The following INSC variants were observed in gnomAD, a reference collection of about 807,000 sequenced individuals.
INSC encodes the protein protein inscuteable homolog.
In INSC, 67 loss-of-function variants were observed where a neutral mutation model predicts 58.6. That is an observed-to-expected ratio of 1.14 (90% CI 0.94 to 1.40). The LOEUF (loss-of-function observed/expected upper bound fraction) is 1.40, where lower values mean the gene tolerates loss of function less well. INSC is among the 40% of genes most tolerant of loss of function. INSC has a pLI of 0.00. For missense variants in INSC, 714 were observed against 692.0 expected (o/e 1.03, Z -0.36); for synonymous variants, 262 against 276.1 (o/e 0.95, Z 0.51).
intron 6 of INSC, among the ~76,000 whole-genome samples, chr11:15,196,966 C>A (rs1208690866): frequency 6.6e-6 from 1 of 152,166 alleles, no homozygotes; most frequent in African/African-American, 2.4e-5. Flanking sequence ...CCTCTTCCTC[C>A]CACCTTACTT....
At chr11:15,155,666 T>C (rs1490619892) in intron 2 of INSC, among the ~76,000 whole-genome samples, 1 of 152,156 alleles carries the variant, frequency 6.6e-6, no homozygotes, top group Non-Finnish European at 1.5e-5. Context: ...ATTGTTCCTT[T>C]ACAGAGAACT....
At chr11:15,166,745 G>A (rs777815895) in intron 2 of INSC, among the ~76,000 whole-genome samples, 6 of 152,150 alleles carry the variant, frequency 3.9e-5, no homozygotes, top group African/African-American at 9.7e-5. Flanking sequence ...CAGGCCTTGC[G>A]CTGAGATGAA....
chr11:15,141,056 G>A lies in INSC; in HGVS notation c.-45-8074G>A, dbSNP rs560545760. Among the ~76,000 whole-genome samples, 10 of 152,256 alleles carry A rather than the reference G, an allele frequency of 6.6e-5. 1 individual carries two copies. In the South Asian group the frequency reaches 1.9e-3, roughly 28 times the overall value. ...CTTATACACAGTAAACACCTAAGAA[G>A]TGTTTCTCCCTGTCTGCCTCCTCTT... On this transcript the variant is annotated intron_variant, in intron 1 of 12. Coordinates refer to ENST00000379556, the MANE Select transcript of INSC (RefSeq NM_001042536.3).
chr11:15,181,736 T>G (rs944050630), intron 5 of INSC, among the ~76,000 whole-genome samples: 1 of 152,220 alleles, frequency 6.6e-6, no homozygotes, highest in African/African-American at 2.4e-5. Flanking sequence ...CATATCAAAA[T>G]TTTGGAAATC....
At position 15,176,089 on chromosome 11, in the gene INSC, C is replaced by T; in HGVS notation, c.402+3C>T. ...ACTCCTTGAAGGAAATGGGCGAGGT[C>T]AGCTGCCCTGGGATAGGAGTGGGCG... On this transcript the variant is annotated splice_donor_region_variant and intron_variant, in intron 3 of 12. Coordinates refer to ENST00000379556, the MANE Select transcript of INSC (RefSeq NM_001042536.3). 6.6e-7 allele frequency: 1 copy of T among 1,508,176 alleles called. No individual in the cohort carries two copies. The highest frequency in any genetic ancestry group is 1.3e-5 in the South Asian group (1 of 78,306). The allele number at this position is 1,508,176 out of a possible 1,614,324, so 93.4% of individuals were successfully genotyped here. A position where few individuals can be genotyped will look rare whatever the true frequency, so the allele number is the denominator to read the frequency against.
chr11:15,181,506 C>T lies in INSC; in HGVS notation c.579+3059C>T, dbSNP rs1203711086. On this transcript the variant is annotated intron_variant, in intron 5 of 12. Coordinates refer to ENST00000379556, the MANE Select transcript of INSC (RefSeq NM_001042536.3). The stretch of plus-strand genomic sequence containing the variant: ...AAACTGAGAAGTCCTGAAGGAACCT[C>T]CCATTGTTGTACAGACAGCCTGGAC... Among the ~76,000 whole-genome samples the T allele has an allele frequency of 2.0e-5, 3 of 152,060 alleles. No homozygotes were observed. The East Asian group carries it at 5.8e-4, about 29-fold the overall frequency.
intron 5 of INSC, among the ~76,000 whole-genome samples, chr11:15,183,325 T>C (rs1590412498): frequency 1.5e-5 from 2 of 129,584 alleles, no homozygotes; most frequent in East Asian, 4.4e-4. Context: ...CACTCCAGCC[T>C]GGGCAACAAG....
At chr11:15,263,010 A>C in the INSC span, among the ~76,000 whole-genome samples, 1 of 152,192 alleles carries the variant, frequency 6.6e-6, no homozygotes. Flanking sequence ...AAAACTATTA[A>C]AAATGACCAG....
chr11:15,260,167 GTTTTTTGTT>G, the INSC span, among the ~76,000 whole-genome samples: 6 of 151,692 alleles, frequency 4.0e-5, no homozygotes, highest in East Asian at 1.9e-4. Flanking sequence ...TGCTCACTCT[GTTTTTTGTT>G]TTTTTTGTTT....
At chr11:15,210,405 G>A (rs1172149793) in intron 7 of INSC, among the ~76,000 whole-genome samples, 1 of 152,168 alleles carries the variant, frequency 6.6e-6, no homozygotes, top group Non-Finnish European at 1.5e-5. Context: ...TGCCTGTTCT[G>A]TGGGTTTGGG....
In INSC at chr11:15,175,753, G is replaced by T. The variant is rs776832690; in HGVS notation, c.69G>T (p.Met23Ile). ...VTLPGQRLHLMQVDSVQRWME... is the reference protein window; with the variant it reads ...VTLPGQRLHLIQVDSVQRWME... Reference sequence around the variant, plus strand: ...TTCCTGGTTGCAGGCTACACCTGATGCAGGTGGACTCAGTCCAGCGCTGGA... The same window carrying T: ...TTCCTGGTTGCAGGCTACACCTGATTCAGGTGGACTCAGTCCAGCGCTGGA... Residue 23 changes from methionine (M) to isoleucine (I), a missense_variant, in exon 3 of 13, where the codon ATG becomes ATT. Met to Ile is a conservative substitution (Grantham distance 10). Coordinates refer to ENST00000379556, the MANE Select transcript of INSC (RefSeq NM_001042536.3). 1.3e-6 allele frequency: 2 copies of T among 1,561,138 alleles called. No individual in the cohort carries two copies. The highest frequency in any genetic ancestry group is 8.7e-7 in the Non-Finnish European group (1 of 1,145,028).
chr11:15,260,126 G>A, the INSC span, among the ~76,000 whole-genome samples: 1 of 152,122 alleles, frequency 6.6e-6, no homozygotes, highest in Non-Finnish European at 1.5e-5. Flanking sequence ...GCCTGAGGGA[G>A]GCCGACCCAC....
At chr11:15,231,451 A>G (rs1354862002) in intron 9 of INSC, among the ~76,000 whole-genome samples, 1 of 152,210 alleles carries the variant, frequency 6.6e-6, no homozygotes, top group Non-Finnish European at 1.5e-5. Context: ...AAGTTTACAA[A>G]TTTGTGTTGG....
chr11:15,225,897 G>A (rs1421096197), intron 9 of INSC, 69 bp downstream of exon 9: 32 of 1,486,634 alleles, frequency 2.2e-5, no homozygotes, highest in African/African-American at 4.2e-5. Context: ...AGGCCAGCAC[G>A]TAGTTTCTGA....
Position 15,244,098 on chromosome 11 carries a change from T to A in INSC, c.1471-1814T>A, listed in dbSNP as rs577302587. 3.9e-5 allele frequency among the ~76,000 whole-genome samples: 6 copies of A among 152,308 alleles called. No individual in the cohort carries two copies. The South Asian group carries it at 1.2e-3, about 32-fold the overall frequency. On this transcript the variant is annotated intron_variant, in intron 12 of 12. Transcript: ENST00000379556. ...CTGTCTCCTTGTCTCCCTTCTTGCTTTATTTTTATCCCTAATGATGCAAAA... is the reference window on the plus strand; with the variant it reads ...CTGTCTCCTTGTCTCCCTTCTTGCTATATTTTTATCCCTAATGATGCAAAA...
intron 2 of INSC, among the ~76,000 whole-genome samples, chr11:15,166,128 T>C (rs1225106175): frequency 6.6e-6 from 1 of 152,200 alleles, no homozygotes; most frequent in Non-Finnish European, 1.5e-5. Flanking sequence ...GTTTTAAACC[T>C]TGTTGAACTG....
At chr11:15,231,744 T>C (rs1420116454) in intron 9 of INSC, among the ~76,000 whole-genome samples, 1 of 152,256 alleles carries the variant, frequency 6.6e-6, no homozygotes, top group Admixed American at 6.5e-5. Flanking sequence ...CCAGGCTTTC[T>C]TTGTTGAAAG....
At chr11:15,174,427 G>A (rs1448757649) in intron 2 of INSC, among the ~76,000 whole-genome samples, 2 of 149,712 alleles carry the variant, frequency 1.3e-5, no homozygotes, top group African/African-American at 5.0e-5. Context: ...CATTTATTTT[G>A]AAAATTGACT....
At chr11:15,219,164 T>C (rs906527721) in intron 7 of INSC, among the ~76,000 whole-genome samples, 5 of 152,088 alleles carry the variant, frequency 3.3e-5, no homozygotes, top group African/African-American at 9.7e-5. Context: ...TCTGGTGGAA[T>C]AGGTCTGGGT....
Sources: allele counts gnomAD v4.1 joint callset (sites outside exome capture counted in the v4.1 genomes callset), GRCh38; gene constraint gnomAD v4.1.1; transcripts MANE v1.5; gene names NCBI Gene and HGNC (gene_info 2026-07-23, HGNC 2026-07-21).